The following SH2B3 variants were observed in gnomAD, a reference collection of about 807,000 sequenced individuals.
The protein encoded by SH2B3 is SH2B adapter protein 3.
SH2B3 carries 43 observed loss-of-function variants against 51.9 expected under a neutral mutation model. The observed-to-expected ratio is 0.83, with a 90% CI of 0.65 to 1.07. The LOEUF (loss-of-function observed/expected upper bound fraction) is 1.07. Ranked by LOEUF, SH2B3 falls within the 50% of genes least tolerant of loss-of-function variation. The pLI is 0.00. For missense variants in SH2B3, 952 were observed against 834.3 expected, an observed-to-expected ratio of 1.14 and a Z score of -1.74; for synonymous variants, 396 against 376.0, an observed-to-expected ratio of 1.05 and a Z score of -0.62.
At position 111,407,883 on chromosome 12, in the gene SH2B3, A is replaced by G. The variant is rs1325993494; in HGVS notation, c.-28+1606A>G. Among the ~76,000 whole-genome samples the G allele has an allele frequency of 1.3e-5, 2 of 152,198 alleles. No individual in the cohort carries two copies. Among genetic ancestry groups the G allele is most frequent in the Non-Finnish European group, 2.9e-5 (2 of 68,030 alleles). On this transcript the variant is annotated intron_variant, in intron 1 of 7. Transcript: ENST00000341259. This position sits in a 1 kb window ranked among gnomAD's most constrained non-coding sequence, Gnocchi z 4.3. ...TTTGCTACTCCTATTGCCTTCGTTCAGCTGAAGGCGTGGGCAAGTGACTCT... is the reference window on the plus strand; with the variant it reads ...TTTGCTACTCCTATTGCCTTCGTTCGGCTGAAGGCGTGGGCAAGTGACTCT...
At chr12:111,423,799 T>C (rs950454530) in intron 2 of SH2B3, among the ~76,000 whole-genome samples, 2 of 152,132 alleles carry the variant, frequency 1.3e-5, no homozygotes, top group African/African-American at 4.8e-5. Flanking sequence ...GCCAACATGG[T>C]GAAACCCCAT....
intron 2 of SH2B3, among the ~76,000 whole-genome samples, chr12:111,420,710 C>A (rs1244469136): frequency 2.0e-5 from 3 of 152,256 alleles, no homozygotes; most frequent in South Asian, 2.1e-4. Flanking sequence ...TTCTGGGGGA[C>A]CAGGCGGGCC....
rs1260483442 is a variant in SH2B3 at position 111,451,139 on chromosome 12, C to G, written c.*2837C>G. 3.3e-5 allele frequency: 5 copies of G among 152,666 alleles called. No homozygotes were observed. The East Asian group carries it at 9.6e-4, about 29-fold the overall frequency. The allele number at this position is 152,666 out of a possible 1,614,324, so 9.5% of individuals were successfully genotyped here. On this transcript the variant is annotated 3_prime_UTR_variant, in exon 8 of 8. Transcript: ENST00000341259. The stretch of plus-strand genomic sequence containing the variant: ...CAACTAACCTGCCTTGAATTTTAGA[C>G]CAGCAATCCATATGGCTTTATCTGG...
rs980461017 is a variant in SH2B3 at position 111,446,931 on chromosome 12, C to T, written c.835-11C>T. 6.2e-7 allele frequency: 1 copy of T among 1,612,520 alleles called. No individual in the cohort carries two copies. The highest frequency in any genetic ancestry group is 1.3e-5 in the African/African-American group (1 of 74,878). ...CAGCAGACCCAACCCTGTTCCCTTC[C>T]TCCCTGCCAGGTGAAGGACCGGACA... On this transcript the variant is annotated splice_polypyrimidine_tract_variant and intron_variant, in intron 3 of 7. Transcript: ENST00000341259.
intron 2 of SH2B3, among the ~76,000 whole-genome samples, chr12:111,427,388 G>GAAAAAAA (rs557658468): frequency 2.4e-5 from 2 of 83,042 alleles, no homozygotes; most frequent in African/African-American, 3.8e-5. Context: ...TCCATCTCAG[G>GAAAAAAA]AAAAAAAAAA....
intron 2 of SH2B3, among the ~76,000 whole-genome samples, chr12:111,430,198 G>T (rs1593053629): frequency 6.6e-6 from 1 of 152,326 alleles, no homozygotes. Context: ...AAGGCGGAGG[G>T]GGTTGGGCAG....
intron 6 of SH2B3, 38 bp downstream of exon 6, chr12:111,447,582 C>T: frequency 6.2e-7 from 1 of 1,606,232 alleles, no homozygotes; most frequent in Non-Finnish European, 8.5e-7. Flanking sequence ...GCAGGCAGGA[C>T]CGTGCCACCC....
At chr12:111,446,605 C>A in intron 2 of SH2B3, 148 bp from the exon 3 acceptor site, 1 of 553,120 alleles carries the variant, frequency 1.8e-6, no homozygotes. Flanking sequence ...GCACCCTGGA[C>A]CTCACTACAG....
rs1593021446 is a variant in SH2B3, at chr12:111,406,127, C to T, written c.-178C>T. On this transcript the variant is annotated 5_prime_UTR_variant, in exon 1 of 8. Transcript: ENST00000341259. The surrounding 1 kb of genome is among the most constrained non-coding windows in gnomAD (Gnocchi z 5.7). ...CATTTTCCGAGCCCGGGTTTCCTGC[C>T]TGAGCCCCGCTCGAGCGAGCCGCGA... 6.6e-6 allele frequency: 1 copy of T among 151,916 alleles called. No homozygotes were observed. Among genetic ancestry groups the T allele is most frequent in the Admixed American group, 6.6e-5 (1 of 15,250 alleles). The allele number at this position is 151,916 out of a possible 1,614,324, so 9.4% of individuals were successfully genotyped here. A position where few individuals can be genotyped will look rare whatever the true frequency, so the allele number is the denominator to read the frequency against.
At chr12:111,431,714 C>G (rs1427528295) in intron 2 of SH2B3, among the ~76,000 whole-genome samples, 1 of 152,160 alleles carries the variant, frequency 6.6e-6, no homozygotes, top group African/African-American at 2.4e-5. Flanking sequence ...TCCCAAGTAG[C>G]TGGGACTATT....
In SH2B3 at chr12:111,418,657, AG is replaced by A. The variant is rs1202077451; in HGVS notation, c.513del (p.Thr172ProfsTer25). ...AAPGTPGEAA[E>X]TPARPGLAKK... ...CCCGGGACCCCCGGAGAGGCTGCTG[AG>A]ACCCCCGCCCGGCCTGGCCTGGCCA... On this transcript the variant is annotated frameshift_variant, in exon 2 of 8. Coordinates refer to ENST00000341259, the MANE Select transcript of SH2B3 (RefSeq NM_005475.3). LOFTEE classifies it high-confidence loss of function. This position sits in a 1 kb window ranked among gnomAD's most constrained non-coding sequence, Gnocchi z 6.7. 6.7e-7 allele frequency: 1 copy of A among 1,485,110 alleles called. No individual in the cohort carries two copies. Among genetic ancestry groups the A allele is most frequent in the Non-Finnish European group, 8.9e-7 (1 of 1,127,024 alleles). 92.0% of individuals were successfully genotyped at this position (1,485,110 alleles called of 1,614,324 possible).
intron 2 of SH2B3, among the ~76,000 whole-genome samples, chr12:111,442,424 G>GTGGCTGGTGCTGGCTGGTGC (rs200717092): frequency 6.6e-6 from 1 of 152,222 alleles, no homozygotes; most frequent in Non-Finnish European, 1.5e-5. Context: ...TGGCAGAGGC[G>GTGGCTGGTGCTGGCTGGTGC]TGGCTGGTGC....
Position 111,429,406 on chromosome 12 carries a change from A to G in SH2B3, c.732+10529A>G, listed in dbSNP as rs191218862. Reference sequence around the variant, plus strand: ...GAGCAGAGTGGTGTGATTTTGGCTCACTGCAACCACCGCCTCCAGGGTTCA... The same window carrying G: ...GAGCAGAGTGGTGTGATTTTGGCTCGCTGCAACCACCGCCTCCAGGGTTCA... On this transcript the variant is annotated intron_variant, in intron 2 of 7. Coordinates refer to ENST00000341259, the MANE Select transcript of SH2B3 (RefSeq NM_005475.3). This position sits in a 1 kb window ranked among gnomAD's most constrained non-coding sequence, Gnocchi z 4.4. Among the ~76,000 whole-genome samples, 462 of 152,230 alleles carry G rather than the reference A, an allele frequency of 3.0e-3. 3 individuals are homozygous for G. The highest frequency in any genetic ancestry group is 0.02 in the Middle Eastern group (6 of 294).
chr12:111,418,484 T>C lies in SH2B3; in HGVS notation c.339T>C (p.Pro113=), dbSNP rs779997460. 460 of 1,367,326 alleles carry C rather than the reference T, an allele frequency of 3.4e-4. No individual in the cohort carries two copies. The highest frequency in any genetic ancestry group is 2.7e-4 in the Non-Finnish European group (293 of 1,065,534). 84.7% of individuals were successfully genotyped at this position (1,367,326 alleles called of 1,614,324 possible). ...SPEPGPGPAA[P]GLPKARSSEE... ...AGCCAGGCCCCGGCCCCGCCGCCCC[T>C]GGCCTGCCCAAGGCCCGCAGCTCTG... The change falls in exon 2 of 8, where the codon CCT becomes CCC. Residue 113 remains proline, a synonymous_variant. Coordinates refer to ENST00000341259, the MANE Select transcript of SH2B3 (RefSeq NM_005475.3). The surrounding 1 kb of genome is among the most constrained non-coding windows in gnomAD (Gnocchi z 6.7).
intron 2 of SH2B3, among the ~76,000 whole-genome samples, chr12:111,432,744 A>T (rs1345817711): frequency 6.6e-6 from 1 of 152,114 alleles, no homozygotes; most frequent in Non-Finnish European, 1.5e-5. Context: ...TGGACATTTC[A>T]CATATGTGGA....
chr12:111,419,915 C>T, intron 2 of SH2B3, among the ~76,000 whole-genome samples: 1 of 152,214 alleles, frequency 6.6e-6, no homozygotes, highest in East Asian at 1.9e-4. Flanking sequence ...TTGGCTGTAA[C>T]AGTTTCCAAC....
At chr12:111,408,332 A>C (rs763015582) in intron 1 of SH2B3, among the ~76,000 whole-genome samples, 1 of 152,168 alleles carries the variant, frequency 6.6e-6, no homozygotes, top group Non-Finnish European at 1.5e-5. Context: ...GGAAGAGAAG[A>C]AGTAGCCTTG....
chr12:111,425,021 G>A (rs1162031156), intron 2 of SH2B3, among the ~76,000 whole-genome samples: 4 of 152,066 alleles, frequency 2.6e-5, no homozygotes, highest in Non-Finnish European at 5.9e-5. Flanking sequence ...AGGCTTTGGA[G>A]GGAGAGAGCC....
chr12:111,429,036 G>C lies in SH2B3; in HGVS notation c.732+10159G>C, dbSNP rs1016852581. Among the ~76,000 whole-genome samples, 1 of 148,246 alleles carries C rather than the reference G, an allele frequency of 6.7e-6. No individual in the cohort carries two copies. The highest frequency in any genetic ancestry group is 1.5e-5 in the Non-Finnish European group (1 of 66,410). ...AGTGCGAGGAGGAGGAGGAGGAGGA[G>C]GAGGAGGAGGAAGAGGAGGAGGAGG... is the stretch of plus-strand genomic sequence containing the variant. On this transcript the variant is annotated intron_variant, in intron 2 of 7. Coordinates refer to ENST00000341259, the MANE Select transcript of SH2B3 (RefSeq NM_005475.3). This position sits in a 1 kb window ranked among gnomAD's most constrained non-coding sequence, Gnocchi z 4.4.
Sources: gnomAD v4.1 joint callset for allele counts (sites outside exome capture counted in the v4.1 genomes callset) on GRCh38, gnomAD v4.1.1 for gene constraint, Gnocchi (gnomAD v3.1) non-coding constraint, MANE v1.5 for transcripts, NCBI Gene and HGNC (gene_info 2026-07-23, HGNC 2026-07-21) for gene names.